The following PCDHA11 variants were observed in gnomAD, a reference collection of about 807,000 sequenced individuals.
PCDHA11 encodes protocadherin alpha-11.
PCDHA11 carries 61 observed loss-of-function variants against 70.3 expected under a neutral mutation model. The ratio of observed to expected loss-of-function variants is 0.87; its 90% confidence interval spans 0.71 to 1.07. PCDHA11 has a LOEUF of 1.07. Ranked by LOEUF, PCDHA11 falls within the 50% of genes least tolerant of loss-of-function variation. PCDHA11 has a pLI of 0.00. For synonymous variants in PCDHA11, 633 were observed against 555.1 expected, an observed-to-expected ratio of 1.14 and a Z score of -1.97; for missense variants, 1,324 against 1,237.5, an observed-to-expected ratio of 1.07 and a Z score of -1.05.
intron 1 of PCDHA11, among the ~76,000 whole-genome samples, chr5:140,957,527 T>C (rs1441282290): frequency 6.6e-6 from 1 of 152,138 alleles, no homozygotes; most frequent in African/African-American, 2.4e-5. Context: ...AGACATTCAG[T>C]GGGGATCTTA....
chr5:141,010,938 A>G lies in PCDHA11; in HGVS notation c.*1001A>G, dbSNP rs1210392691. ...TCAAAAGAGAATTCAGTCTACAGCC[A>G]TTTAAATGATCATTGCTGCTACAGA... On this transcript the variant is annotated 3_prime_UTR_variant, in exon 4 of 4. Coordinates refer to ENST00000398640, the MANE Select transcript of PCDHA11 (RefSeq NM_018902.5). 6 of 153,824 alleles carry G rather than the reference A, an allele frequency of 3.9e-5. No homozygotes were observed. Among genetic ancestry groups the G allele is most frequent in the African/African-American group, 1.4e-4 (6 of 41,470 alleles). The allele number at this position is 153,824 out of a possible 1,614,324, so 9.5% of individuals were successfully genotyped here. A position where few individuals can be genotyped will look rare whatever the true frequency, so the allele number is the denominator to read the frequency against.
At chr5:140,998,056 C>T (rs1162882949) in intron 3 of PCDHA11, among the ~76,000 whole-genome samples, 1 of 152,160 alleles carries the variant, frequency 6.6e-6, no homozygotes, top group Non-Finnish European at 1.5e-5. Context: ...GTGACATCAT[C>T]ATCAACAGAC....
intron 1 of PCDHA11, among the ~76,000 whole-genome samples, chr5:140,890,467 AT>A (rs1562850687): frequency 1.3e-5 from 2 of 152,154 alleles, no homozygotes; most frequent in African/African-American, 4.8e-5. Context: ...AAATATTTCA[AT>A]TTTTTGTGCG....
chr5:141,009,584 A>G, intron 3 of PCDHA11, 43 bp from the exon 4 acceptor site: 1 of 1,592,004 alleles, frequency 6.3e-7, no homozygotes, highest in Non-Finnish European at 8.6e-7. Context: ...CATCAAGAGC[A>G]TGTGTTGACC....
At chr5:140,991,648 A>G (rs2097463830) in intron 3 of PCDHA11, among the ~76,000 whole-genome samples, 1 of 152,192 alleles carries the variant, frequency 6.6e-6, no homozygotes, top group Non-Finnish European at 1.5e-5. Context: ...GTTCATGACA[A>G]TTTAGGTTTG....
chr5:140,943,420 G>T (rs1197382156), intron 1 of PCDHA11, among the ~76,000 whole-genome samples: 1 of 152,040 alleles, frequency 6.6e-6, no homozygotes, highest in Non-Finnish European at 1.5e-5. Context: ...AGAGGCAAGG[G>T]CTTTAATATG....
intron 1 of PCDHA11, chr5:140,967,872 A>G: frequency 1.2e-6 from 2 of 1,614,034 alleles, no homozygotes; most frequent in Non-Finnish European, 1.7e-6. Context: ...GTGCTCACGG[A>G]CCTGTATAGC....
intron 1 of PCDHA11, chr5:140,967,400 C>T: frequency 6.2e-7 from 1 of 1,611,718 alleles, no homozygotes; most frequent in South Asian, 1.1e-5. Context: ...GCTGGTGCTG[C>T]GTAAGGGCCT....
At chr5:140,941,191 T>TTTTCTTTCTTTCTTTC (rs1217097209) in intron 1 of PCDHA11, among the ~76,000 whole-genome samples, 1 of 93,206 alleles carries the variant, frequency 1.1e-5, no homozygotes, top group Admixed American at 1.2e-4. Flanking sequence ...GCTTCTTTTT[T>TTTTCTTTCTTTCTTTC]TTTCTTTCTT....
At chr5:140,967,970 C>T (rs2096204544) in intron 1 of PCDHA11, 2 of 1,614,202 alleles carry the variant, frequency 1.2e-6, no homozygotes, top group South Asian at 2.2e-5. Context: ...GAAAGTGAGC[C>T]TGGGTCTGGA....
At chr5:140,928,137 C>T (rs537220203) in intron 1 of PCDHA11, 14 of 1,614,066 alleles carry the variant, frequency 8.7e-6, no homozygotes, top group Admixed American at 1.7e-5. Flanking sequence ...AAGTCCTGAT[C>T]ACGGCCTCAG....
intron 1 of PCDHA11, chr5:140,882,154 A>C (rs2058976763): frequency 1.3e-6 from 2 of 1,505,976 alleles, no homozygotes; most frequent in Non-Finnish European, 1.8e-6. Flanking sequence ...AGAAAGCGGA[A>C]TACCTCTTGC....
At chr5:140,877,388 A>G (rs1186041410) in intron 1 of PCDHA11, 14 of 1,613,802 alleles carry the variant, frequency 8.7e-6, no homozygotes, top group Non-Finnish European at 1.2e-5. Flanking sequence ...ATCCTGGATG[A>G]GGCGGACGCT....
chr5:140,872,717 T>TA (rs781995084), intron 1 of PCDHA11, among the ~76,000 whole-genome samples: 11 of 152,194 alleles, frequency 7.2e-5, no homozygotes, highest in Non-Finnish European at 1.5e-4. Context: ...ACTAGGTAAA[T>TA]AAAATTATTC....
chr5:140,941,111 G>T (rs1477407055), intron 1 of PCDHA11, among the ~76,000 whole-genome samples: 2 of 152,090 alleles, frequency 1.3e-5, no homozygotes, highest in Non-Finnish European at 2.9e-5. Context: ...TTACTGGAAA[G>T]ATTAGTCCTT....
At position 140,871,210 on chromosome 5, in the gene PCDHA11, A is replaced by T. The variant is rs2052831697; in HGVS notation, c.2107A>T (p.Ile703Phe). 1.2e-6 allele frequency: 2 copies of T among 1,613,818 alleles called. No individual in the cohort carries two copies. Among genetic ancestry groups the T allele is most frequent in the Middle Eastern group, 1.7e-4 (1 of 6,054 alleles). The change falls in exon 1 of 4, where the codon ATC becomes TTC. Residue 703 changes from isoleucine to phenylalanine, a missense_variant. Physicochemically the swap from Ile to Phe is conservative, Grantham distance 21 (BLOSUM62 0). Coordinates refer to ENST00000398640, the MANE Select transcript of PCDHA11 (RefSeq NM_018902.5). Reference protein sequence around the residue: ...VDVNVYLIIAICVVSSLLVLT... With the variant: ...VDVNVYLIIAFCVVSSLLVLT... The stretch of plus-strand genomic sequence containing the variant: ...TGTCAACGTGTACCTGATCATCGCC[A>T]TCTGCGTGGTGTCCAGCCTCCTGGT...
At chr5:140,942,705 T>TA (rs1220612434) in intron 1 of PCDHA11, among the ~76,000 whole-genome samples, 1 of 152,100 alleles carries the variant, frequency 6.6e-6, no homozygotes, top group Non-Finnish European at 1.5e-5. Flanking sequence ...AAATATGAAG[T>TA]AAAAGTATGA....
chr5:140,922,441 A>G (rs2080844983), intron 1 of PCDHA11, among the ~76,000 whole-genome samples: 1 of 152,216 alleles, frequency 6.6e-6, no homozygotes, highest in Non-Finnish European at 1.5e-5. Flanking sequence ...GAACTCTCTC[A>G]TTATCCTATT....
chr5:140,884,383 C>T lies in PCDHA11; in HGVS notation c.2391+12889C>T, dbSNP rs185410866. The T allele has an allele frequency of 5.2e-5, 84 of 1,613,994 alleles. No homozygotes were observed. In the Admixed American group the frequency reaches 1.4e-3, roughly 27 times the overall value. ...ATGTTTACTTGATCATTGCCATCTG[C>T]GCGGTGTCCAGCCTGTTGGTGCTCA... On this transcript the variant is annotated intron_variant, in intron 1 of 3. Transcript: ENST00000398640.
Sources: gnomAD v4.1 joint callset for allele counts (sites outside exome capture counted in the v4.1 genomes callset) on GRCh38, gnomAD v4.1.1 for gene constraint, MANE v1.5 for transcripts, NCBI Gene and HGNC (gene_info 2026-07-23, HGNC 2026-07-21) for gene names.